The following SMARCC2 variants were observed in gnomAD, a reference collection of about 807,000 sequenced individuals.
SMARCC2 encodes the protein SWI/SNF related BAF chromatin remodeling complex subunit C2.
In SMARCC2, 15 loss-of-function variants were observed where a neutral mutation model predicts 151.3. The observed-to-expected ratio is 0.10, with a 90% CI of 0.07 to 0.15. The LOEUF (loss-of-function observed/expected upper bound fraction) is 0.15. Ranked by LOEUF, SMARCC2 falls within the 10% of genes least tolerant of loss-of-function variation. The pLI, the probability that SMARCC2 is intolerant of heterozygous loss-of-function variation, is 1.00. For missense variants in SMARCC2, 1,031 were observed against 1,599.7 expected (o/e 0.64, Z 6.06); for synonymous variants, 590 against 609.5 (o/e 0.97, Z 0.47).
chr12:56,169,463 T>C, intron 25 of SMARCC2, 66 bp downstream of exon 25: 1 of 1,550,030 alleles, frequency 6.5e-7, no homozygotes, highest in South Asian at 1.2e-5. Flanking sequence ...AAAGATTTCC[T>C]CTAAGTGAGA....
chr12:56,170,428 GTTTTT>G (rs1183281153), intron 22 of SMARCC2, among the ~76,000 whole-genome samples: 1 of 150,698 alleles, frequency 6.6e-6, no homozygotes, highest in Non-Finnish European at 1.5e-5. Context: ...GTTTTTTTTT[GTTTTT>G]TGTTTTTTTG....
chr12:56,169,426 T>C, intron 25 of SMARCC2, 103 bp downstream of exon 25: 1 of 1,343,198 alleles, frequency 7.4e-7, no homozygotes, highest in Non-Finnish European at 1.0e-6. Context: ...AATAAATAGG[T>C]CAGCATTATT....
Position 56,168,045 on chromosome 12 carries a change from G to T in SMARCC2, c.2850+15C>A. 6.2e-7 allele frequency: 1 copy of T among 1,612,252 alleles called. No individual in the cohort carries two copies. Among genetic ancestry groups the T allele is most frequent in the East Asian group, 2.2e-5 (1 of 44,816 alleles). The stretch of plus-strand genomic sequence containing the variant: ...AGGCACAGCGCAGCAGGGTTCCAGG[G>T]CTCCTGCTACTCACTGCTTCTCGCT... On this transcript the variant is annotated intron_variant, in intron 26 of 28. Coordinates refer to ENST00000550164, the MANE Select transcript of SMARCC2 (RefSeq NM_001330288.2).
intron 16 of SMARCC2, 36 bp downstream of exon 16, chr12:56,174,615 C>T: frequency 7.3e-7 from 1 of 1,370,060 alleles, no homozygotes. Context: ...GGCAGGCATC[C>T]TCATGTACCC....
rs182194266 is a variant in SMARCC2 at position 56,185,231 on chromosome 12, T to C, written c.318-120A>G. 381 of 765,498 alleles carry C rather than the reference T, an allele frequency of 5.0e-4. 5 individuals are homozygous for C. In the South Asian group the frequency reaches 5.3e-3, roughly 11 times the overall value. The allele number at this position is 765,498 out of a possible 1,614,324, so 47.4% of individuals were successfully genotyped here. A position where few individuals can be genotyped will look rare whatever the true frequency, so the allele number is the denominator to read the frequency against. On this transcript the variant is annotated intron_variant, in intron 3 of 28. Transcript: ENST00000550164. ...TCTTGCTCTGTCACCTAGGCTGGAGTGCAGTGGCGCGATCCCGGCTCACTG... is the reference window on the plus strand; with the variant it reads ...TCTTGCTCTGTCACCTAGGCTGGAGCGCAGTGGCGCGATCCCGGCTCACTG...
Position 56,169,558 on chromosome 12 carries a change from C to T in SMARCC2, c.2686G>A (p.Ala896Thr), listed in dbSNP as rs1292823810. The change falls in exon 25 of 29, where the codon GCC becomes ACC. Residue 896 changes from alanine to threonine, a missense_variant. This residue lies in a region of SMARCC2 where 49 missense variants were observed against 134.8 expected (regional missense o/e 0.36). Transcript: ENST00000550164. ...GCTTTCACTGCGGCGGCGGCCAGGG[C>T]GGCGGCAGCAGCGGTGGAGAGGTTG... is the stretch of plus-strand genomic sequence containing the variant. ...EGNLSTAAAA[A>T]LAAAAVKAKH... 1 of 1,613,848 alleles carries T rather than the reference C, an allele frequency of 6.2e-7. No homozygotes were observed. The highest frequency in any genetic ancestry group is 8.5e-7 in the Non-Finnish European group (1 of 1,179,990).
chr12:56,166,615 G>T (rs1212754619), intron 26 of SMARCC2, among the ~76,000 whole-genome samples: 5 of 143,648 alleles, frequency 3.5e-5, no homozygotes, highest in Admixed American at 2.8e-4. Flanking sequence ...TTTGAGATAG[G>T]GTCTCACTCT....
Position 56,189,376 on chromosome 12 carries a change from A to T in SMARCC2, c.86T>A (p.Leu29Gln). The T allele has an allele frequency of 6.5e-7, 1 of 1,539,212 alleles. No individual in the cohort carries two copies. Among genetic ancestry groups the T allele is most frequent in the South Asian group, 1.2e-5 (1 of 84,186 alleles). Residue 29 changes from leucine to glutamine, a missense_variant, in exon 1 of 29, where the codon CTG (leucine) becomes CAG (glutamine). By Grantham distance (113) the Leu-to-Gln change is moderately radical. Coordinates refer to ENST00000550164, the MANE Select transcript of SMARCC2 (RefSeq NM_001330288.2). ...CTTCTTGTAGTTCTTGCCGAGCCAC[A>T]GCCGCACGTTGTCGAACTGGGTCAC... ...DTVTQFDNVR[L>Q]WLGKNYKKYI... is the part of the protein sequence containing the mutation.
At chr12:56,177,995 G>A (rs1875363238) in intron 15 of SMARCC2, 27 bp downstream of exon 15, 16 of 1,496,690 alleles carry the variant, frequency 1.1e-5, no homozygotes, top group Non-Finnish European at 1.5e-5. Context: ...GAGGGAGAAG[G>A]AGAATCATGA....
chr12:56,171,546 G>C lies in SMARCC2; in HGVS notation c.2186-114C>G. 2 of 1,515,994 alleles carry C rather than the reference G, an allele frequency of 1.3e-6. No homozygotes were observed. The highest frequency in any genetic ancestry group is 2.5e-5 in the South Asian group (2 of 81,628). 93.9% of individuals were successfully genotyped at this position (1,515,994 alleles called of 1,614,324 possible). ...TTCATCTAAGCTAGTATGGAGCCTA[G>C]ACAGGTGCCTGAGCTGAGGCCCGCA... On this transcript the variant is annotated intron_variant, in intron 21 of 28. Transcript: ENST00000550164. The surrounding 1 kb of genome is among the most constrained non-coding windows in gnomAD (Gnocchi z 4.2).
intron 17 of SMARCC2, 127 bp downstream of exon 17, chr12:56,173,569 T>C: frequency 1.2e-6 from 1 of 831,344 alleles, no homozygotes. Context: ...CGTGACCCTT[T>C]GCATCCCATG....
intron 17 of SMARCC2, 88 bp from the exon 18 acceptor site, chr12:56,173,117 C>A (rs1474140169): frequency 3.5e-6 from 4 of 1,156,352 alleles, no homozygotes; most frequent in African/African-American, 1.5e-5. Context: ...TGCTGGGCGG[C>A]CCACAAGCTC....
intron 1 of SMARCC2, among the ~76,000 whole-genome samples, chr12:56,188,405 G>T (rs1275015928): frequency 6.6e-6 from 1 of 152,168 alleles, no homozygotes; most frequent in Non-Finnish European, 1.5e-5. Context: ...GAGCTGCAAA[G>T]CCGGCAGGAA....
intron 1 of SMARCC2, 37 bp downstream of exon 1, chr12:56,189,314 C>T (rs1313289483): frequency 7.4e-7 from 1 of 1,351,110 alleles, no homozygotes; most frequent in South Asian, 1.4e-5. Context: ...CTTTGTCCCG[C>T]CCCCGGTCCC....
intron 7 of SMARCC2, 107 bp from the exon 8 acceptor site, chr12:56,182,186 G>A (rs1305143625): frequency 2.0e-5 from 14 of 714,594 alleles, no homozygotes; most frequent in Non-Finnish European, 2.5e-5. Flanking sequence ...TGGGTTCTTG[G>A]CTTATTTTTT....
chr12:56,170,741 T>A (rs903274747), intron 22 of SMARCC2, among the ~76,000 whole-genome samples: 4 of 146,924 alleles, frequency 2.7e-5, no homozygotes, highest in African/African-American at 1.0e-4. Context: ...TTTTTTTTTT[T>A]TTTTTTTGAG....
chr12:56,171,998 C>A lies in SMARCC2; in HGVS notation c.1927-61G>T, dbSNP rs1874035178. On this transcript the variant is annotated intron_variant, in intron 20 of 28. Coordinates refer to ENST00000550164, the MANE Select transcript of SMARCC2 (RefSeq NM_001330288.2). The surrounding 1 kb of genome is among the most constrained non-coding windows in gnomAD (Gnocchi z 4.2). ...TAGCCACTTTTCTCGAAGGCTGACTCCCCCCATCCTACTAAGGGCAGCTGG... is the reference window on the plus strand; with the variant it reads ...TAGCCACTTTTCTCGAAGGCTGACTACCCCCATCCTACTAAGGGCAGCTGG... 2 of 1,493,374 alleles carry A rather than the reference C, an allele frequency of 1.3e-6. No homozygotes were observed. The highest frequency in any genetic ancestry group is 1.3e-5 in the South Asian group (1 of 77,316). 92.5% of individuals were successfully genotyped at this position (1,493,374 alleles called of 1,614,324 possible). A position where few individuals can be genotyped will look rare whatever the true frequency, so the allele number is the denominator to read the frequency against.
chr12:56,173,629 G>T (rs1874370897), intron 17 of SMARCC2, 67 bp downstream of exon 17: 2 of 1,447,048 alleles, frequency 1.4e-6, no homozygotes, highest in East Asian at 2.3e-5. Flanking sequence ...CTAAAAACCA[G>T]AAAAAGAAAA....
At chr12:56,169,959 T>G in intron 23 of SMARCC2, 48 bp from the exon 24 acceptor site, 1 of 1,579,972 alleles carries the variant, frequency 6.3e-7, no homozygotes, top group East Asian at 2.2e-5. Context: ...ATTAGGGTGA[T>G]TAGTTCTCAC....
Sources: allele counts gnomAD v4.1 joint callset (sites outside exome capture counted in the v4.1 genomes callset), GRCh38; gene constraint gnomAD v4.1.1; regional missense constraint gnomAD v4.1.1; non-coding constraint Gnocchi (gnomAD v3.1); transcripts MANE v1.5; gene names NCBI Gene and HGNC (gene_info 2026-07-23, HGNC 2026-07-21).